ABTB2: variants seen among roughly 807,000 people sequenced by gnomAD.
ABTB2 encodes the protein ankyrin repeat and BTB domain containing 2.
In ABTB2, 56 loss-of-function variants were observed where a neutral mutation model predicts 104.1. The ratio of observed to expected loss-of-function variants is 0.54; its 90% CI spans 0.43 to 0.67. The LOEUF is 0.67. Ranked by LOEUF, ABTB2 falls within the 30% of genes least tolerant of loss-of-function variation. ABTB2 has a pLI of 0.00. For synonymous variants in ABTB2, 606 were observed against 608.2 expected (o/e 1.00, Z 0.05); for missense variants, 1,279 against 1,407.7 (o/e 0.91, Z 1.46).
intron 1 of ABTB2, among the ~76,000 whole-genome samples, chr11:34,288,341 T>C (rs760550587): frequency 1.3e-5 from 2 of 152,204 alleles, no homozygotes; most frequent in African/African-American, 2.4e-5. Flanking sequence ...ATCTTACTTT[T>C]TCTTCACGAA....
chr11:34,187,533 T>C (rs1256114780), intron 3 of ABTB2, among the ~76,000 whole-genome samples: 1 of 151,036 alleles, frequency 6.6e-6, no homozygotes, highest in African/African-American at 2.4e-5. Context: ...GGTGTTGCTC[T>C]GTTGCCCAGG....
chr11:34,297,898 G>A (rs1026429624), intron 1 of ABTB2, among the ~76,000 whole-genome samples: 10 of 151,886 alleles, frequency 6.6e-5, no homozygotes, highest in Non-Finnish European at 1.2e-4. Flanking sequence ...CCTCTCTTGT[G>A]AAGGGGATTA....
chr11:34,317,071 A>G (rs1385994315), intron 1 of ABTB2, among the ~76,000 whole-genome samples: 1 of 152,194 alleles, frequency 6.6e-6, no homozygotes, highest in Non-Finnish European at 1.5e-5. Context: ...CTGACTACAA[A>G]ACCAACAGAA....
chr11:34,240,503 C>T (rs1853902072), intron 1 of ABTB2, among the ~76,000 whole-genome samples: 1 of 152,240 alleles, frequency 6.6e-6, no homozygotes, highest in Non-Finnish European at 1.5e-5. Flanking sequence ...AGAAGATCTC[C>T]TAATAATTGA....
chr11:34,215,646 G>A (rs7124297), intron 1 of ABTB2, among the ~76,000 whole-genome samples: 37,016 of 152,018 alleles, frequency 0.24, 5,586 homozygotes, highest in African/African-American at 0.43. Flanking sequence ...CTAGTTACTT[G>A]AGCTCTCTGA....
intron 1 of ABTB2, among the ~76,000 whole-genome samples, chr11:34,211,021 T>C (rs564737522): frequency 6.6e-6 from 1 of 152,334 alleles, no homozygotes; most frequent in Middle Eastern, 3.4e-3. Context: ...AGTTGTTATA[T>C]ATTAGTCATG....
At chr11:34,264,987 T>C (rs1277030809) in intron 1 of ABTB2, among the ~76,000 whole-genome samples, 1 of 152,350 alleles carries the variant, frequency 6.6e-6, no homozygotes, top group Middle Eastern at 3.4e-3. Context: ...AAAGGGGAGA[T>C]GTGCATTGCA....
At chr11:34,218,163 G>C (rs1259254120) in intron 1 of ABTB2, among the ~76,000 whole-genome samples, 1 of 152,204 alleles carries the variant, frequency 6.6e-6, no homozygotes, top group Non-Finnish European at 1.5e-5. Flanking sequence ...AGTTTTAAAA[G>C]TTCTTTGCAT....
chr11:34,281,890 A>G (rs1431013375), intron 1 of ABTB2, among the ~76,000 whole-genome samples: 2 of 150,912 alleles, frequency 1.3e-5, no homozygotes, highest in Non-Finnish European at 1.5e-5. Flanking sequence ...TGAAGTTCAC[A>G]GCAGTGCTGA....
intron 1 of ABTB2, among the ~76,000 whole-genome samples, chr11:34,264,558 G>C (rs527948278): frequency 3.9e-5 from 6 of 152,364 alleles, no homozygotes; most frequent in African/African-American, 1.4e-4. Context: ...CAATTTAGCT[G>C]AGTTGGGTGG....
intron 1 of ABTB2, among the ~76,000 whole-genome samples, chr11:34,215,949 T>A (rs571823527): frequency 6.6e-6 from 1 of 151,790 alleles, no homozygotes; most frequent in African/African-American, 2.4e-5. Flanking sequence ...CACAGTGATT[T>A]AAAAAAAAAT....
At position 34,159,894 on chromosome 11, in the gene ABTB2, GA is replaced by G. The variant is rs1185295292; in HGVS notation, c.2606+11del. 2 of 1,604,926 alleles carry G rather than the reference GA, an allele frequency of 1.2e-6. No individual in the cohort carries two copies. The highest frequency in any genetic ancestry group is 3.4e-4 in the Middle Eastern group (2 of 5,862). On this transcript the variant is annotated intron_variant, in intron 13 of 16. Transcript: ENST00000435224. ...CCCCTGGGCTGGGAGTTTGTTATCT[GA>G]GGCTGCCTACCTGTTAGAAGCTGTC...
intron 3 of ABTB2, among the ~76,000 whole-genome samples, chr11:34,186,332 C>A (rs1244597323): frequency 1.3e-5 from 2 of 152,250 alleles, no homozygotes; most frequent in Non-Finnish European, 2.9e-5. Context: ...ATCCCAAGAG[C>A]TGCCTGGCAG....
intron 1 of ABTB2, among the ~76,000 whole-genome samples, chr11:34,311,124 C>A (rs995726552): frequency 2.6e-5 from 4 of 152,206 alleles, no homozygotes; most frequent in African/African-American, 7.2e-5. Context: ...AGAGCTCTAG[C>A]TTTCACTGGC....
intron 9 of ABTB2, among the ~76,000 whole-genome samples, chr11:34,164,395 C>T (rs1325470999): frequency 1.3e-5 from 2 of 152,194 alleles, no homozygotes; most frequent in Non-Finnish European, 2.9e-5. Flanking sequence ...TGAGTGGGCT[C>T]TGGCAGCTGC....
chr11:34,337,331 G>A (rs754652380), intron 1 of ABTB2, among the ~76,000 whole-genome samples: 1 of 152,196 alleles, frequency 6.6e-6, no homozygotes, highest in African/African-American at 2.4e-5. Context: ...GCCTTAGGAC[G>A]GGCACAGCTG....
intron 1 of ABTB2, among the ~76,000 whole-genome samples, chr11:34,273,231 G>A (rs1431370829): frequency 1.3e-5 from 2 of 152,196 alleles, no homozygotes; most frequent in East Asian, 3.8e-4. Context: ...TTTTCCTTTG[G>A]TTAATGGTTG....
chr11:34,275,781 A>T (rs146512341), intron 1 of ABTB2, among the ~76,000 whole-genome samples: 1 of 152,190 alleles, frequency 6.6e-6, no homozygotes, highest in Non-Finnish European at 1.5e-5. Flanking sequence ...ACACTCTGCC[A>T]ATCTTTCATG....
intron 1 of ABTB2, among the ~76,000 whole-genome samples, chr11:34,215,777 T>G (rs895566523): frequency 6.6e-6 from 1 of 152,196 alleles, no homozygotes; most frequent in Non-Finnish European, 1.5e-5. Context: ...GTAAAGCATA[T>G]AGTAAATAAA....
Sources: allele counts gnomAD v4.1 joint callset (sites outside exome capture counted in the v4.1 genomes callset), GRCh38; gene constraint gnomAD v4.1.1; transcripts MANE v1.5; gene names NCBI Gene and HGNC (gene_info 2026-07-23, HGNC 2026-07-21).